The following LNPEP variants were observed in gnomAD, a reference collection of about 807,000 sequenced individuals.
LNPEP encodes the protein leucyl-cystinyl aminopeptidase.
In LNPEP, 64 loss-of-function variants were observed where a neutral mutation model predicts 120.6. The ratio of observed to expected loss-of-function variants is 0.53; its 90% CI spans 0.43 to 0.65. The LOEUF (loss-of-function observed/expected upper bound fraction) is 0.65, where lower values mean the gene tolerates loss of function less well. Ranked by LOEUF, LNPEP falls within the 30% of genes least tolerant of loss-of-function variation. The probability of loss-of-function intolerance (pLI) is 0.00; values close to 1 mark genes in which losing one functional copy is unlikely to be tolerated. For synonymous variants in LNPEP, 435 were observed against 425.4 expected, an observed-to-expected ratio of 1.02 and a Z score of -0.28; for missense variants, 1,057 against 1,200.0, an observed-to-expected ratio of 0.88 and a Z score of 1.76.
At chr5:96,974,351 T>A (rs1253618716) in intron 1 of LNPEP, among the ~76,000 whole-genome samples, 1 of 152,136 alleles carries the variant, frequency 6.6e-6, no homozygotes, top group Non-Finnish European at 1.5e-5. Flanking sequence ...CTCTTCTCTG[T>A]CTTTACCTCC....
chr5:96,966,192 G>A (rs1789719668), intron 1 of LNPEP, among the ~76,000 whole-genome samples: 1 of 152,068 alleles, frequency 6.6e-6, no homozygotes, highest in Non-Finnish European at 1.5e-5. Context: ...ATATAACGCA[G>A]TAGAGAATTT....
intron 1 of LNPEP, among the ~76,000 whole-genome samples, chr5:96,957,820 G>A (rs774957797): frequency 1.3e-5 from 2 of 152,200 alleles, no homozygotes; most frequent in African/African-American, 2.4e-5. Context: ...CAAGCTTGAG[G>A]TTAATTTGTT....
intron 1 of LNPEP, among the ~76,000 whole-genome samples, chr5:96,943,643 T>G (rs958466010): frequency 6.6e-6 from 1 of 152,194 alleles, no homozygotes; most frequent in South Asian, 2.1e-4. Flanking sequence ...CTGGTGCTTG[T>G]GATAGAACAA....
chr5:96,978,436 G>C (rs145872418), intron 1 of LNPEP, among the ~76,000 whole-genome samples: 1 of 152,234 alleles, frequency 6.6e-6, no homozygotes, highest in Non-Finnish European at 1.5e-5. Context: ...ATTGTCTTTT[G>C]ATCTTTTTAA....
At chr5:96,974,847 A>G (rs980676572) in intron 1 of LNPEP, among the ~76,000 whole-genome samples, 1 of 152,028 alleles carries the variant, frequency 6.6e-6, no homozygotes, top group African/African-American at 2.4e-5. Context: ...GGTTTCTGGG[A>G]TGCCACTCCT....
chr5:96,944,051 C>T (rs1006034692), intron 1 of LNPEP, among the ~76,000 whole-genome samples: 1 of 152,186 alleles, frequency 6.6e-6, no homozygotes, highest in African/African-American at 2.4e-5. Context: ...TGCTCCCTTC[C>T]TCTTGCAGCA....
intron 1 of LNPEP, among the ~76,000 whole-genome samples, chr5:96,970,699 T>C (rs1259736342): frequency 1.3e-5 from 2 of 152,072 alleles, no homozygotes; most frequent in Non-Finnish European, 2.9e-5. Flanking sequence ...AATCACTTTT[T>C]CAGTGTTTCT....
At chr5:96,947,028 A>C (rs1481433958) in intron 1 of LNPEP, among the ~76,000 whole-genome samples, 1 of 152,224 alleles carries the variant, frequency 6.6e-6, no homozygotes, top group East Asian at 1.9e-4. Flanking sequence ...ATAGGTTAAG[A>C]TGTTCTTTTA....
Position 97,026,622 on chromosome 5 carries a change from T to C in LNPEP, c.2729T>C (p.Met910Thr), listed in dbSNP as rs1791346851. ...AAATCTGCTTTGCTCTTCAGGTTAA[T>C]GAAAAGTAGCCTGAATGGAGATAAC... ...SEDVRKLYWL[M>T]KSSLNGDNFR... Residue 910 changes from methionine to threonine, a missense_variant, in exon 16 of 18, where the codon ATG becomes ACG. Met to Thr is a moderately conservative substitution (Grantham distance 81). Transcript: ENST00000231368. 1.9e-6 allele frequency: 3 copies of C among 1,612,938 alleles called. No homozygotes were observed. The highest frequency in any genetic ancestry group is 2.5e-6 in the Non-Finnish European group (3 of 1,179,164).
At chr5:96,965,874 T>C (rs1233139591) in intron 1 of LNPEP, among the ~76,000 whole-genome samples, 1 of 152,190 alleles carries the variant, frequency 6.6e-6, no homozygotes, top group Non-Finnish European at 1.5e-5. Flanking sequence ...TTTTAGGTTT[T>C]AGATTTTATG....
Position 96,993,864 on chromosome 5 carries a change from G to A in LNPEP, c.1300G>A (p.Gly434Ser), listed in dbSNP as rs2112628392. 6.2e-7 allele frequency: 1 copy of A among 1,613,782 alleles called. No individual in the cohort carries two copies. Among genetic ancestry groups the A allele is most frequent in the South Asian group, 1.1e-5 (1 of 91,070 alleles). The change falls in exon 6 of 18, where the codon GGT (glycine) becomes AGT (serine). Residue 434 changes from glycine (G) to serine (S), a missense_variant. Physicochemically the swap from Gly to Ser is moderately conservative, Grantham distance 56. Transcript: ENST00000231368. Reference sequence around the variant, plus strand: ...TGAAGCAGGAGCAATGGAAAATTGGGGTTTGCTCACCTTCCGAGAGGAGAC... The same window carrying A: ...TGAAGCAGGAGCAATGGAAAATTGGAGTTTGCTCACCTTCCGAGAGGAGAC... ...DFEAGAMENW[G>S]LLTFREETLL...
intron 3 of LNPEP, 91 bp from the exon 4 acceptor site, chr5:96,986,447 TA>T (rs1383138954): frequency 1.6e-6 from 2 of 1,251,782 alleles, no homozygotes; most frequent in African/African-American, 3.0e-5. Context: ...CTTTACCATT[TA>T]TTTCCTATTT....
intron 1 of LNPEP, among the ~76,000 whole-genome samples, chr5:96,976,761 A>G (rs1790008112): frequency 6.6e-6 from 1 of 152,086 alleles, no homozygotes; most frequent in African/African-American, 2.4e-5. Flanking sequence ...AAAAAAAAAA[A>G]TTAAGCTAGT....
chr5:96,939,425 G>C (rs1185717822), intron 1 of LNPEP, among the ~76,000 whole-genome samples: 1 of 151,918 alleles, frequency 6.6e-6, no homozygotes, highest in Admixed American at 6.6e-5. Context: ...TGTTGGCCAG[G>C]TGAACTCCTG....
rs1789100268 is a variant in LNPEP, at chr5:96,943,145, A to T, written c.19+6971A>T. ...TGTTAAGCAGATTACTTCCATCATTATTGAGCCAGGAGTTGAGGTTGAAGT... is the reference window on the plus strand; with the variant it reads ...TGTTAAGCAGATTACTTCCATCATTTTTGAGCCAGGAGTTGAGGTTGAAGT... On this transcript the variant is annotated intron_variant, in intron 1 of 17. Transcript: ENST00000231368. 5 of 512,970 alleles carry T rather than the reference A, an allele frequency of 9.7e-6. No homozygotes were observed. In the South Asian group the frequency reaches 2.0e-4, roughly 21 times the overall value. 31.8% of individuals were successfully genotyped at this position (512,970 alleles called of 1,614,324 possible). A position where few individuals can be genotyped will look rare whatever the true frequency, so the allele number is the denominator to read the frequency against.
intron 13 of LNPEP, among the ~76,000 whole-genome samples, chr5:97,020,070 A>G (rs138611260): frequency 6.6e-6 from 1 of 152,340 alleles, no homozygotes; most frequent in Non-Finnish European, 1.5e-5. Flanking sequence ...TGAAACAAAC[A>G]CAAGCGAGTT....
At chr5:96,984,344 G>A (rs1790193267) in intron 2 of LNPEP, among the ~76,000 whole-genome samples, 1 of 152,044 alleles carries the variant, frequency 6.6e-6, no homozygotes, top group South Asian at 2.1e-4. Flanking sequence ...CATAACTAAG[G>A]TCCGAGTCTT....
At chr5:96,978,992 A>G in intron 1 of LNPEP, 146 bp from the exon 2 acceptor site, 1 of 808,112 alleles carries the variant, frequency 1.2e-6, no homozygotes. Flanking sequence ...ATCTTATTTA[A>G]TTCAGTAGCT....
chr5:96,959,727 T>C (rs1447920941), intron 1 of LNPEP, among the ~76,000 whole-genome samples: 3 of 152,156 alleles, frequency 2.0e-5, no homozygotes, highest in Non-Finnish European at 2.9e-5. Context: ...CCATCCTCTA[T>C]AGCTAATTCT....
Sources: gnomAD v4.1 joint callset for allele counts (sites outside exome capture counted in the v4.1 genomes callset) on GRCh38, gnomAD v4.1.1 for gene constraint, MANE v1.5 for transcripts, NCBI Gene and HGNC (gene_info 2026-07-23, HGNC 2026-07-21) for gene names.